ROR1: variants seen among roughly 807,000 people sequenced by gnomAD.
The protein encoded by ROR1 is inactive tyrosine-protein kinase transmembrane receptor ROR1.
ROR1 carries 19 observed loss-of-function variants against 78.8 expected under a neutral mutation model. That is an observed-to-expected ratio of 0.24 (90% CI 0.17 to 0.35). ROR1 has a LOEUF of 0.35. Among genes scored for constraint, ROR1 ranks in the 10% least tolerant of loss-of-function variants. The probability of loss-of-function intolerance (pLI) is 1.00; values close to 1 mark genes in which losing one functional copy is unlikely to be tolerated. For missense variants in ROR1, 917 were observed against 1,177.8 expected (o/e 0.78, Z 3.24); for synonymous variants, 386 against 433.6 (o/e 0.89, Z 1.36).
At chr1:64,067,822 C>G (rs1456119540) in intron 4 of ROR1, among the ~76,000 whole-genome samples, 2 of 151,016 alleles carry the variant, frequency 1.3e-5, no homozygotes, top group Non-Finnish European at 2.9e-5. Context: ...AAACCATTCT[C>G]CTGCCTCAGC....
At chr1:63,937,655 C>T (rs1645804316) in intron 1 of ROR1, among the ~76,000 whole-genome samples, 1 of 152,150 alleles carries the variant, frequency 6.6e-6, no homozygotes, top group African/African-American at 2.4e-5. Flanking sequence ...GAAGGAGCCA[C>T]ATTGGCAGTA....
At chr1:64,118,684 A>G (rs1158618814) in intron 4 of ROR1, among the ~76,000 whole-genome samples, 1 of 151,532 alleles carries the variant, frequency 6.6e-6, no homozygotes, top group East Asian at 1.9e-4. Flanking sequence ...CCTGATCCTA[A>G]TGCTCGTTCT....
chr1:63,940,053 A>G (rs1645823961), intron 1 of ROR1, among the ~76,000 whole-genome samples: 2 of 152,156 alleles, frequency 1.3e-5, no homozygotes, highest in Non-Finnish European at 2.9e-5. Context: ...TGATCCATCC[A>G]TCTTTTAGGA....
At chr1:64,126,085 A>G (rs1038227914) in intron 4 of ROR1, among the ~76,000 whole-genome samples, 4 of 152,200 alleles carry the variant, frequency 2.6e-5, no homozygotes, top group African/African-American at 9.6e-5. Context: ...CTTAAAGGAG[A>G]TAAGACTGAA....
At chr1:63,932,344 G>A (rs143202254) in intron 1 of ROR1, among the ~76,000 whole-genome samples, 20 of 152,240 alleles carry the variant, frequency 1.3e-4, no homozygotes, top group African/African-American at 4.3e-4. Flanking sequence ...TGCAGAAAGA[G>A]GGGACCTCTG....
intron 1 of ROR1, among the ~76,000 whole-genome samples, chr1:63,781,021 G>T (rs1376938854): frequency 6.6e-6 from 1 of 152,162 alleles, no homozygotes; most frequent in Non-Finnish European, 1.5e-5. Context: ...AAAAGTTCAT[G>T]TTACCCAAAG....
At chr1:64,116,172 T>A (rs918744468) in intron 4 of ROR1, among the ~76,000 whole-genome samples, 1 of 152,306 alleles carries the variant, frequency 6.6e-6, no homozygotes, top group South Asian at 2.1e-4. Context: ...TTCAAGTTAA[T>A]CCATGCTCTT....
At chr1:63,983,381 GT>G (rs1646225936) in intron 1 of ROR1, among the ~76,000 whole-genome samples, 1 of 152,204 alleles carries the variant, frequency 6.6e-6, no homozygotes, top group Non-Finnish European at 1.5e-5. Context: ...GGGGAGGACT[GT>G]CTAGTGTTTC....
At chr1:64,109,617 T>G (rs908777924) in intron 4 of ROR1, among the ~76,000 whole-genome samples, 2 of 152,080 alleles carry the variant, frequency 1.3e-5, no homozygotes, top group African/African-American at 4.8e-5. Flanking sequence ...GACCTCAACC[T>G]CCCAGGTTCA....
intron 4 of ROR1, among the ~76,000 whole-genome samples, chr1:64,078,722 A>G (rs987745812): frequency 2.6e-5 from 4 of 152,182 alleles, no homozygotes; most frequent in African/African-American, 9.7e-5. Context: ...AGGTGTTGGG[A>G]GGCAGAACAC....
In ROR1 at chr1:63,974,407, C is replaced by T. The variant is rs180856402; in HGVS notation, c.92-34898C>T. Among the ~76,000 whole-genome samples the T allele has an allele frequency of 1.9e-3, 292 of 152,178 alleles. 2 individuals are homozygous for T. The highest frequency in any genetic ancestry group is 3.1e-3 in the Non-Finnish European group (213 of 68,008). ...GAAATATTATTGAATATAAATATTA[C>T]TCTAATCTTTCTGAAGTATTAATTC... On this transcript the variant is annotated intron_variant, in intron 1 of 8. Coordinates refer to ENST00000371079, the MANE Select transcript of ROR1 (RefSeq NM_005012.4).
chr1:63,852,005 C>T (rs1008313757), intron 1 of ROR1, among the ~76,000 whole-genome samples: 1 of 152,234 alleles, frequency 6.6e-6, no homozygotes, highest in African/African-American at 2.4e-5. Flanking sequence ...AAAGGCAGAA[C>T]TAAAGAGATT....
intron 7 of ROR1, among the ~76,000 whole-genome samples, chr1:64,149,715 G>A (rs1649568021): frequency 6.6e-6 from 1 of 152,166 alleles, no homozygotes; most frequent in Non-Finnish European, 1.5e-5. Flanking sequence ...ACCTTTTGTT[G>A]TGGTCACCTT....
intron 1 of ROR1, among the ~76,000 whole-genome samples, chr1:63,968,079 A>G (rs915683139): frequency 2.0e-5 from 3 of 152,122 alleles, no homozygotes; most frequent in African/African-American, 7.2e-5. Context: ...ATCTGTTTAT[A>G]ATTTACAGAT....
chr1:64,140,152 G>A lies in ROR1; in HGVS notation c.654G>A (p.Lys218=). Residue 218 remains lysine, a synonymous_variant, in exon 6 of 9, where the codon AAG becomes AAA. Coordinates refer to ENST00000371079, the MANE Select transcript of ROR1 (RefSeq NM_005012.4). The part of the protein sequence containing the change: ...MIGTSSHLSD[K]CSQFAIPSLC... Reference sequence around the variant, plus strand: ...GCACTTCCAGTCACTTATCTGATAAGTGTTCTCAGTTCGCCATTCCTTCCC... The same window carrying A: ...GCACTTCCAGTCACTTATCTGATAAATGTTCTCAGTTCGCCATTCCTTCCC... 1 of 1,614,100 alleles carries A rather than the reference G, an allele frequency of 6.2e-7. No individual in the cohort carries two copies. Among genetic ancestry groups the A allele is most frequent in the Non-Finnish European group, 8.5e-7 (1 of 1,180,018 alleles).
At chr1:63,859,930 A>G (rs1165195484) in intron 1 of ROR1, among the ~76,000 whole-genome samples, 1 of 152,210 alleles carries the variant, frequency 6.6e-6, no homozygotes, top group East Asian at 1.9e-4. Context: ...AAATCCTCAA[A>G]CAGCCCTGTG....
chr1:64,168,150 C>T (rs774621907), intron 8 of ROR1, among the ~76,000 whole-genome samples: 3 of 152,116 alleles, frequency 2.0e-5, no homozygotes, highest in Admixed American at 6.5e-5. Context: ...ACTTTATGTC[C>T]GAGAGCAGAC....
intron 1 of ROR1, among the ~76,000 whole-genome samples, chr1:64,006,437 C>G (rs372882187): frequency 2.0e-5 from 3 of 152,096 alleles, no homozygotes; most frequent in East Asian, 3.9e-4. Context: ...CAGCATGGGG[C>G]TCAGACTGGA....
intron 1 of ROR1, among the ~76,000 whole-genome samples, chr1:63,915,671 G>A (rs746565843): frequency 6.6e-6 from 1 of 152,110 alleles, no homozygotes; most frequent in Non-Finnish European, 1.5e-5. Context: ...TTTAGGGATA[G>A]CTATGCTTAT....
Sources: allele counts gnomAD v4.1 joint callset (sites outside exome capture counted in the v4.1 genomes callset), GRCh38; gene constraint gnomAD v4.1.1; transcripts MANE v1.5; gene names NCBI Gene and HGNC (gene_info 2026-07-23, HGNC 2026-07-21).